Variants in MCTP2 observed in about 807,000 individuals in gnomAD.
The protein encoded by MCTP2 is multiple C2 and transmembrane domain containing 2, also known as multiple C2 and transmembrane domain-containing protein 2.
Under a neutral mutation model 111.6 loss-of-function variants are expected in MCTP2, and 132 were observed. That is an observed-to-expected ratio of 1.18 (90% CI 1.03 to 1.37). The LOEUF (loss-of-function observed/expected upper bound fraction) is 1.37. MCTP2 is among the 40% of genes most tolerant of loss of function. MCTP2 has a pLI of 0.00. For missense variants in MCTP2, 1,183 were observed against 1,067.9 expected, an observed-to-expected ratio of 1.11 and a Z score of -1.50; for synonymous variants, 395 against 387.7, an observed-to-expected ratio of 1.02 and a Z score of -0.22.
intron 21 of MCTP2, among the ~76,000 whole-genome samples, chr15:94,471,750 G>T (rs1392928855): frequency 7.8e-6 from 1 of 128,146 alleles, no homozygotes; most frequent in Non-Finnish European, 1.6e-5. Flanking sequence ...GATTAAGAAG[G>T]CATATTTTGA....
chr15:94,347,587 C>G (rs1252905831), intron 8 of MCTP2, among the ~76,000 whole-genome samples: 3 of 151,842 alleles, frequency 2.0e-5, no homozygotes, highest in African/African-American at 7.3e-5. Flanking sequence ...AATGAGATTG[C>G]CTTTAAAAAT....
At chr15:94,455,296 T>C (rs1402376476) in intron 19 of MCTP2, among the ~76,000 whole-genome samples, 1 of 152,228 alleles carries the variant, frequency 6.6e-6, no homozygotes, top group Non-Finnish European at 1.5e-5. Context: ...TGAATGAATA[T>C]AAAAATACAG....
At chr15:94,394,772 GA>G (rs111538758) in intron 14 of MCTP2, among the ~76,000 whole-genome samples, 144 of 146,688 alleles carry the variant, frequency 9.8e-4, no homozygotes, top group Middle Eastern at 3.5e-3. Context: ...CTCAAAGAAA[GA>G]AAAAAAAAAG....
At chr15:94,459,128 A>T (rs568526911) in intron 20 of MCTP2, among the ~76,000 whole-genome samples, 2 of 152,330 alleles carry the variant, frequency 1.3e-5, no homozygotes, top group Admixed American at 6.5e-5. Context: ...CCTTTGAATT[A>T]TTAACTTATT....
intron 22 of MCTP2, among the ~76,000 whole-genome samples, chr15:94,477,643 A>G (rs2074473462): frequency 6.6e-6 from 1 of 152,208 alleles, no homozygotes; most frequent in African/African-American, 2.4e-5. Flanking sequence ...ATCGATTTTC[A>G]TATTTGAGCC....
At chr15:94,434,823 A>G (rs944004070) in intron 17 of MCTP2, among the ~76,000 whole-genome samples, 1 of 150,966 alleles carries the variant, frequency 6.6e-6, no homozygotes, top group East Asian at 1.9e-4. Flanking sequence ...TGACTATTGC[A>G]TGCCATTTGC....
At position 94,340,291 on chromosome 15, in the gene MCTP2, A is replaced by C. The variant is rs879071203; in HGVS notation, c.857+16A>C. 2 of 1,582,720 alleles carry C rather than the reference A, an allele frequency of 1.3e-6. No homozygotes were observed. Among genetic ancestry groups the C allele is most frequent in the South Asian group, 1.1e-5 (1 of 90,334 alleles). ...AGCTTAACAGGTACCGTATTTTTAC[A>C]TTTTAATTGTTATTGATGAGTTTTA... On this transcript the variant is annotated intron_variant, in intron 6 of 22. Transcript: ENST00000357742.
chr15:94,409,711 C>T (rs966139274), intron 17 of MCTP2, among the ~76,000 whole-genome samples: 2 of 151,916 alleles, frequency 1.3e-5, no homozygotes, highest in Admixed American at 6.6e-5. Flanking sequence ...CTCCCTCTTT[C>T]CTCCTCTCTC....
intron 1 of MCTP2, among the ~76,000 whole-genome samples, chr15:94,257,566 GTTGTTTT>G (rs2072871015): frequency 4.1e-5 from 3 of 73,002 alleles, no homozygotes; most frequent in African/African-American, 1.5e-4. Flanking sequence ...CATTTTCTTT[GTTGTTTT>G]TTTTTTTTTT....
At chr15:94,396,116 T>A (rs995298966) in intron 14 of MCTP2, among the ~76,000 whole-genome samples, 1 of 152,196 alleles carries the variant, frequency 6.6e-6, no homozygotes, top group Non-Finnish European at 1.5e-5. Flanking sequence ...GAAGAGTTTA[T>A]CCTGGAAAAC....
rs781376527 is a variant in MCTP2 at position 94,374,038 on chromosome 15, A to T, written c.1582+3858A>T. ...GAAGAAAACAACTCGCGTTCTAATG[A>T]TTAACTGAAAAAGAGAAACATTTTA... is the stretch of plus-strand genomic sequence containing the variant. On this transcript the variant is annotated intron_variant, in intron 12 of 22. Transcript: ENST00000357742. Among the ~76,000 whole-genome samples the T allele has an allele frequency of 1.6e-4, 25 of 152,228 alleles. 1 individual carries two copies. The highest frequency in any genetic ancestry group is 1.3e-4 in the Admixed American group (2 of 15,274).
At chr15:94,425,810 C>G (rs1311359903) in intron 17 of MCTP2, among the ~76,000 whole-genome samples, 1 of 152,044 alleles carries the variant, frequency 6.6e-6, no homozygotes, top group Non-Finnish European at 1.5e-5. Flanking sequence ...AACAACTTAT[C>G]AAAGTTGCAA....
At chr15:94,232,141 CAG>C (rs2070221259) in intron 1 of MCTP2, 1 of 152,190 alleles carries the variant, frequency 6.6e-6, no homozygotes, top group African/African-American at 2.4e-5. Context: ...AGGTAACAAA[CAG>C]TGTCTCAATC....
intron 2 of MCTP2, among the ~76,000 whole-genome samples, chr15:94,300,612 A>G (rs980830282): frequency 3.3e-5 from 5 of 151,914 alleles, no homozygotes; most frequent in African/African-American, 1.2e-4. Flanking sequence ...GGAAATAGAG[A>G]TGGGTAAGAA....
intron 19 of MCTP2, among the ~76,000 whole-genome samples, chr15:94,452,323 T>TAAA (rs2084514023): frequency 6.6e-6 from 1 of 152,138 alleles, no homozygotes; most frequent in Non-Finnish European, 1.5e-5. Flanking sequence ...CATTTGCTAT[T>TAAA]AGGATGATTA....
At chr15:94,261,396 G>C (rs1193772470) in intron 1 of MCTP2, among the ~76,000 whole-genome samples, 1 of 152,194 alleles carries the variant, frequency 6.6e-6, no homozygotes, top group Non-Finnish European at 1.5e-5. Context: ...ATAGCATGTG[G>C]ATTCTGTGTT....
chr15:94,330,887 A>C (rs75356231), intron 4 of MCTP2, among the ~76,000 whole-genome samples: 5,354 of 151,586 alleles, frequency 0.035, 312 homozygotes, highest in African/African-American at 0.12. Flanking sequence ...GCTGCGCACC[A>C]CCATGACTGG....
intron 1 of MCTP2, among the ~76,000 whole-genome samples, chr15:94,244,362 GTATA>G (rs966199386): frequency 1.7e-4 from 25 of 146,840 alleles, no homozygotes; most frequent in Admixed American, 9.5e-4. Flanking sequence ...ACATACATAT[GTATA>G]TATACGTATA....
chr15:94,465,903 C>A (rs2073238823), intron 20 of MCTP2, among the ~76,000 whole-genome samples: 1 of 152,228 alleles, frequency 6.6e-6, no homozygotes, highest in East Asian at 1.9e-4. Context: ...TCTTCCCAGT[C>A]AGTGCAGGAA....
Sources: gnomAD v4.1 joint callset for allele counts (sites outside exome capture counted in the v4.1 genomes callset) on GRCh38, gnomAD v4.1.1 for gene constraint, MANE v1.5 for transcripts, NCBI Gene and HGNC (gene_info 2026-07-23, HGNC 2026-07-21) for gene names.